PDE4B: variants seen among roughly 807,000 people sequenced by gnomAD.
PDE4B encodes the protein 3',5'-cyclic-AMP phosphodiesterase 4B.
PDE4B carries 20 observed loss-of-function variants against 82.2 expected under a neutral mutation model. The observed-to-expected ratio is 0.24, with a 90% CI of 0.17 to 0.35. The LOEUF (loss-of-function observed/expected upper bound fraction) is 0.35. Among genes scored for constraint, PDE4B ranks in the 10% least tolerant of loss-of-function variants. The probability of loss-of-function intolerance (pLI) is 1.00; values close to 1 mark genes in which losing one functional copy is unlikely to be tolerated. For synonymous variants in PDE4B, 320 were observed against 318.9 expected (o/e 1.00, Z -0.04); for missense variants, 655 against 907.2 (o/e 0.72, Z 3.57).
chr1:65,825,011 T>C (rs1248211238), intron 1 of PDE4B, among the ~76,000 whole-genome samples: 1 of 152,174 alleles, frequency 6.6e-6, no homozygotes, highest in Non-Finnish European at 1.5e-5. Flanking sequence ...CCCAGTACCA[T>C]TTGGATCAGT....
intron 3 of PDE4B, among the ~76,000 whole-genome samples, chr1:66,078,290 T>C (rs1368811267): frequency 6.6e-6 from 1 of 151,906 alleles, no homozygotes; most frequent in African/African-American, 2.4e-5. Context: ...TCCACCTCCA[T>C]GGTTCAAGCA....
At chr1:66,117,617 A>G (rs1317873733) in intron 3 of PDE4B, among the ~76,000 whole-genome samples, 1 of 152,004 alleles carries the variant, frequency 6.6e-6, no homozygotes, top group South Asian at 2.1e-4. Context: ...TCCTCATAAT[A>G]CCCAGCATAT....
intron 3 of PDE4B, among the ~76,000 whole-genome samples, chr1:66,057,183 A>G (rs1655348307): frequency 6.6e-6 from 1 of 152,160 alleles, no homozygotes; most frequent in African/African-American, 2.4e-5. Flanking sequence ...TCCTTATTTC[A>G]AAGGATATTT....
chr1:66,347,184 C>A (rs561964517), intron 8 of PDE4B, among the ~76,000 whole-genome samples: 1 of 152,308 alleles, frequency 6.6e-6, no homozygotes, highest in South Asian at 2.1e-4. Context: ...TTCCGTGAAC[C>A]TAACAAACCT....
At chr1:66,070,258 A>G (rs1656085942) in intron 3 of PDE4B, among the ~76,000 whole-genome samples, 1 of 151,774 alleles carries the variant, frequency 6.6e-6, no homozygotes. Flanking sequence ...TTTTTTCCTC[A>G]GGAGAAAAAG....
intron 3 of PDE4B, among the ~76,000 whole-genome samples, chr1:66,241,928 A>G (rs938313599): frequency 6.6e-6 from 1 of 152,176 alleles, no homozygotes; most frequent in Non-Finnish European, 1.5e-5. Context: ...GATGCGAGAA[A>G]AAACTATAAG....
intron 7 of PDE4B, among the ~76,000 whole-genome samples, chr1:66,309,162 A>C (rs926055899): frequency 6.6e-5 from 10 of 152,224 alleles, no homozygotes; most frequent in African/African-American, 2.4e-4. Flanking sequence ...ATTTAAGGAA[A>C]CACCACCTGC....
intron 7 of PDE4B, among the ~76,000 whole-genome samples, chr1:66,303,259 C>T (rs1174903708): frequency 6.6e-6 from 1 of 151,988 alleles, no homozygotes; most frequent in Admixed American, 6.6e-5. Context: ...ATCTCTTCCC[C>T]TACCCTCCTG....
chr1:66,092,756 C>T (rs1433321222), intron 3 of PDE4B, among the ~76,000 whole-genome samples: 1 of 151,784 alleles, frequency 6.6e-6, no homozygotes, highest in African/African-American at 2.4e-5. Flanking sequence ...GTAAGCATAA[C>T]TGGGAGAAAG....
chr1:65,933,795 G>A (rs1426718172), intron 3 of PDE4B, among the ~76,000 whole-genome samples: 2 of 152,152 alleles, frequency 1.3e-5, no homozygotes, highest in Admixed American at 1.3e-4. Context: ...GTGAAACTTG[G>A]TAATGATAAA....
Position 66,341,994 on chromosome 1 carries a change from A to C in PDE4B, c.747+9374A>C, listed in dbSNP as rs375043697. The stretch of plus-strand genomic sequence containing the variant: ...AAATAGTTTAAATCAAATAAGTCTA[A>C]TTCACAGCATATAGAGACACATTTT... On this transcript the variant is annotated intron_variant, in intron 8 of 16. Transcript: ENST00000341517. 3.9e-5 allele frequency among the ~76,000 whole-genome samples: 6 copies of C among 152,358 alleles called. No individual in the cohort carries two copies. The East Asian group carries it at 9.6e-4, about 24-fold the overall frequency.
At chr1:65,891,568 A>T (rs1646853724) in intron 1 of PDE4B, among the ~76,000 whole-genome samples, 1 of 152,080 alleles carries the variant, frequency 6.6e-6, no homozygotes, top group Admixed American at 6.6e-5. Context: ...ATTGTTACAA[A>T]ACATGCGCTT....
At chr1:66,349,928 C>A (rs1661695425) in intron 8 of PDE4B, among the ~76,000 whole-genome samples, 1 of 152,052 alleles carries the variant, frequency 6.6e-6, no homozygotes, top group Admixed American at 6.6e-5. Context: ...TAGAAGCTAG[C>A]CATTTTACCA....
intron 3 of PDE4B, among the ~76,000 whole-genome samples, chr1:66,224,904 T>A (rs1276616729): frequency 6.6e-6 from 1 of 152,186 alleles, no homozygotes; most frequent in Admixed American, 6.5e-5. Context: ...TCCAAAACTA[T>A]GCCCGTCTGT....
intron 1 of PDE4B, among the ~76,000 whole-genome samples, chr1:65,885,957 G>A (rs1646770823): frequency 6.6e-6 from 1 of 150,702 alleles, no homozygotes; most frequent in Non-Finnish European, 1.5e-5. Context: ...ACAGCCACTA[G>A]CCATATGTGA....
intron 3 of PDE4B, 128 bp downstream of exon 3, chr1:65,918,963 G>A (rs558344293): frequency 2.2e-5 from 14 of 648,338 alleles, no homozygotes; most frequent in Middle Eastern, 3.4e-4. Context: ...TTGAGAATTC[G>A]TTTCCCTTTA....
Position 65,890,259 on chromosome 1 carries a change from GA to G in PDE4B, c.-70-22983del, listed in dbSNP as rs542638909. ...CCTTATATTGGTTTTCATTTTCATG[GA>G]AAGACCATTTCTATTACATACCATT... On this transcript the variant is annotated intron_variant, in intron 1 of 16. Coordinates refer to ENST00000341517, the MANE Select transcript of PDE4B (RefSeq NM_002600.4). Among the ~76,000 whole-genome samples, 392 of 151,942 alleles carry G rather than the reference GA, an allele frequency of 2.6e-3. 3 individuals carry two copies. Among genetic ancestry groups the G allele is most frequent in the African/African-American group, 8.8e-3 (367 of 41,470 alleles).
chr1:65,879,275 T>A (rs2100335919), intron 1 of PDE4B, among the ~76,000 whole-genome samples: 1 of 152,288 alleles, frequency 6.6e-6, no homozygotes, highest in South Asian at 2.1e-4. Context: ...AACTAACAGA[T>A]AACTACTGTG....
At chr1:66,313,212 A>C (rs1257903995) in intron 7 of PDE4B, among the ~76,000 whole-genome samples, 1 of 152,162 alleles carries the variant, frequency 6.6e-6, no homozygotes, top group East Asian at 1.9e-4. Context: ...TATCCTTTAA[A>C]ACCGTGCCAA....
Sources: allele counts gnomAD v4.1 joint callset (sites outside exome capture counted in the v4.1 genomes callset), GRCh38; gene constraint gnomAD v4.1.1; transcripts MANE v1.5; gene names NCBI Gene and HGNC (gene_info 2026-07-23, HGNC 2026-07-21).